CCDC149: variants seen among roughly 807,000 people sequenced by gnomAD.
The protein encoded by CCDC149 is coiled-coil domain containing 149, also known as coiled-coil domain-containing protein 149.
In CCDC149, 45 loss-of-function variants were observed where a neutral mutation model predicts 59.9. That is an observed-to-expected ratio of 0.75 (90% CI 0.59 to 0.96). The LOEUF (loss-of-function observed/expected upper bound fraction) is 0.96, where lower values mean the gene tolerates loss of function less well. CCDC149 is among the 40% of genes least tolerant of loss of function. The probability of loss-of-function intolerance (pLI) is 0.00; values close to 1 mark genes in which losing one functional copy is unlikely to be tolerated. For synonymous variants in CCDC149, 245 were observed against 260.6 expected (o/e 0.94, Z 0.58); for missense variants, 584 against 664.7 (o/e 0.88, Z 1.33).
downstream of CCDC149, among the ~76,000 whole-genome samples, chr4:24,803,722 C>T (rs1156882445): frequency 6.6e-6 from 1 of 152,130 alleles, no homozygotes; most frequent in African/African-American, 2.4e-5. This position sits in a 1 kb window ranked among gnomAD's most constrained non-coding sequence, Gnocchi z 4.3. Flanking sequence ...TGCTAAGATC[C>T]CCAAATATAT....
chr4:24,809,594 A>G (rs1054554931), intron 12 of CCDC149, among the ~76,000 whole-genome samples: 1 of 149,110 alleles, frequency 6.7e-6, no homozygotes, highest in Non-Finnish European at 1.5e-5. Flanking sequence ...TGGCGGAGCC[A>G]GCTCTTAGTA....
chr4:24,857,907 C>T (rs929886769), intron 3 of CCDC149, among the ~76,000 whole-genome samples: 2 of 152,156 alleles, frequency 1.3e-5, no homozygotes, highest in African/African-American at 4.8e-5. Context: ...TCCTTGTCAA[C>T]ATACAATTCT....
chr4:24,891,602 T>C (rs990005917), intron 1 of CCDC149, among the ~76,000 whole-genome samples: 1 of 152,242 alleles, frequency 6.6e-6, no homozygotes, highest in African/African-American at 2.4e-5. Context: ...CTCTTTTGCG[T>C]GTGCATCTAC....
chr4:24,953,390 G>A (rs915602254), intron 1 of CCDC149, among the ~76,000 whole-genome samples: 9 of 152,154 alleles, frequency 5.9e-5, no homozygotes, highest in African/African-American at 2.2e-4. Context: ...CTTCATTTTT[G>A]TCTTTTCTGC....
chr4:24,867,655 T>A (rs1718782832), intron 3 of CCDC149, among the ~76,000 whole-genome samples: 1 of 152,158 alleles, frequency 6.6e-6, no homozygotes, highest in Non-Finnish European at 1.5e-5. Flanking sequence ...GAATGCAAAT[T>A]TTTTTGCAGG....
chr4:24,973,778 T>C (rs1031119815), intron 1 of CCDC149, among the ~76,000 whole-genome samples: 1 of 152,152 alleles, frequency 6.6e-6, no homozygotes, highest in African/African-American at 2.4e-5. Flanking sequence ...AACTGAGGAG[T>C]TCTGTGCAAC....
At chr4:24,913,126 C>T (rs1379133259), upstream of CCDC149, among the ~76,000 whole-genome samples, 9 of 150,924 alleles carry the variant, frequency 6.0e-5, no homozygotes, top group Non-Finnish European at 8.9e-5. Flanking sequence ...GGGCCCGCCC[C>T]GCGCCCTCAG....
At chr4:24,816,487 C>T (rs914613377) in intron 12 of CCDC149, among the ~76,000 whole-genome samples, 5 of 152,154 alleles carry the variant, frequency 3.3e-5, no homozygotes, top group African/African-American at 4.8e-5. Flanking sequence ...TGAGCTATCA[C>T]TGGGACCTCT....
intron 12 of CCDC149, among the ~76,000 whole-genome samples, chr4:24,813,051 T>A (rs1405642831): frequency 6.6e-6 from 1 of 152,130 alleles, no homozygotes; most frequent in African/African-American, 2.4e-5. Flanking sequence ...CCCAGTGTGA[T>A]GGTATTTGGA....
chr4:24,923,791 G>C (rs1409893865), intron 1 of CCDC149, among the ~76,000 whole-genome samples: 1 of 152,184 alleles, frequency 6.6e-6, no homozygotes, highest in Admixed American at 6.5e-5. Context: ...TAGGATTAAA[G>C]CTAAGCTTCA....
chr4:24,816,000 G>C (rs1443788107), intron 12 of CCDC149, among the ~76,000 whole-genome samples: 1 of 152,092 alleles, frequency 6.6e-6, no homozygotes, highest in Non-Finnish European at 1.5e-5. Flanking sequence ...AGAGCTACAG[G>C]AGCCAGGGTC....
chr4:24,944,628 A>T (rs889197962), intron 1 of CCDC149, among the ~76,000 whole-genome samples: 3 of 152,088 alleles, frequency 2.0e-5, no homozygotes, highest in African/African-American at 7.2e-5. Flanking sequence ...GAGCATTAGG[A>T]CAAATACCTA....
intron 1 of CCDC149, among the ~76,000 whole-genome samples, chr4:24,902,051 C>A (rs997319870): frequency 1.5e-4 from 23 of 152,212 alleles, no homozygotes; most frequent in Non-Finnish European, 1.5e-5. Flanking sequence ...TCCCTACTCT[C>A]AAAGATTTCA....
intron 1 of CCDC149, among the ~76,000 whole-genome samples, chr4:24,972,259 G>GA: frequency 6.7e-6 from 1 of 149,574 alleles, no homozygotes; most frequent in Non-Finnish European, 1.5e-5. Context: ...TTGCTGTGTT[G>GA]ATTGTGGTTG....
chr4:24,835,940 G>A (rs1273523544), intron 7 of CCDC149, among the ~76,000 whole-genome samples: 1 of 152,194 alleles, frequency 6.6e-6, no homozygotes, highest in Non-Finnish European at 1.5e-5. Context: ...CTAACTAACA[G>A]TGGGGAGAAT....
chr4:24,896,500 G>T (rs904544075), intron 1 of CCDC149, among the ~76,000 whole-genome samples: 1 of 152,204 alleles, frequency 6.6e-6, no homozygotes, highest in Non-Finnish European at 1.5e-5. Context: ...TTCTAGAGCA[G>T]AAGAGAGTTA....
At chr4:24,949,948 C>T (rs1056093893) in intron 1 of CCDC149, among the ~76,000 whole-genome samples, 27 of 152,040 alleles carry the variant, frequency 1.8e-4, no homozygotes, top group Non-Finnish European at 3.7e-4. Flanking sequence ...CAGAGGTGGC[C>T]GTGAAGAGAA....
chr4:24,843,705 C>T (rs1321264879), intron 4 of CCDC149, among the ~76,000 whole-genome samples: 1 of 152,192 alleles, frequency 6.6e-6, no homozygotes, highest in Non-Finnish European at 1.5e-5. Context: ...ACGGATGTCT[C>T]CCAGTTAACA....
intron 4 of CCDC149, among the ~76,000 whole-genome samples, chr4:24,839,370 G>A (rs1269387497): frequency 2.6e-5 from 4 of 151,880 alleles, no homozygotes; most frequent in South Asian, 2.1e-4. Context: ...TAGTAGAGAC[G>A]GGGTTTCACC....
Sources: gnomAD v4.1 joint callset for allele counts (sites outside exome capture counted in the v4.1 genomes callset) on GRCh38, gnomAD v4.1.1 for gene constraint, Gnocchi (gnomAD v3.1) non-coding constraint, MANE v1.5 for transcripts, NCBI Gene and HGNC (gene_info 2026-07-23, HGNC 2026-07-21) for gene names.